Variants in PRKN observed in about 807,000 individuals in gnomAD.
The protein encoded by PRKN is parkin RBR E3 ubiquitin protein ligase.
Under a neutral mutation model 59.5 loss-of-function variants are expected in PRKN, and 56 were observed. That is an observed-to-expected ratio of 0.94 (90% CI 0.76 to 1.18). The LOEUF (loss-of-function observed/expected upper bound fraction) is 1.18, where lower values mean the gene tolerates loss of function less well. Ranked by LOEUF, PRKN falls within the 50% of genes most tolerant of loss-of-function variation. The pLI is 0.00. For synonymous variants in PRKN, 250 were observed against 222.1 expected (o/e 1.13, Z -1.12); for missense variants, 657 against 596.4 (o/e 1.10, Z -1.06).
chr6:162,384,666 A>C (rs1009165738), intron 2 of PRKN, among the ~76,000 whole-genome samples: 15 of 148,528 alleles, frequency 1.0e-4, no homozygotes, highest in East Asian at 6.0e-4. Flanking sequence ...AAAAAAACAA[A>C]AAAAAAAAAC....
intron 3 of PRKN, among the ~76,000 whole-genome samples, chr6:162,256,305 G>A (rs1779637825): frequency 6.6e-6 from 1 of 151,998 alleles, no homozygotes. Context: ...CTTGATTTAT[G>A]TATGAAATGT....
At chr6:162,004,476 C>A (rs531187719) in intron 5 of PRKN, among the ~76,000 whole-genome samples, 4 of 152,308 alleles carry the variant, frequency 2.6e-5, no homozygotes, top group South Asian at 2.1e-4. Flanking sequence ...TGCACTAATA[C>A]AGGCCACCAT....
chr6:161,773,353 A>G (rs1789775576), intron 7 of PRKN, among the ~76,000 whole-genome samples: 1 of 152,252 alleles, frequency 6.6e-6, no homozygotes, highest in Non-Finnish European at 1.5e-5. Context: ...CACTCTGATG[A>G]CAATGCAGAA....
At chr6:162,419,757 C>A (rs1788854946) in intron 2 of PRKN, among the ~76,000 whole-genome samples, 1 of 149,848 alleles carries the variant, frequency 6.7e-6, no homozygotes, top group Non-Finnish European at 1.5e-5. Flanking sequence ...GAGACAGACA[C>A]AGAGATAGAG....
At chr6:162,384,110 AT>A (rs1483984144) in intron 2 of PRKN, among the ~76,000 whole-genome samples, 2 of 152,190 alleles carry the variant, frequency 1.3e-5, no homozygotes, top group Non-Finnish European at 2.9e-5. Context: ...TCACATTCAT[AT>A]TATTTATGTG....
At chr6:162,412,682 A>G (rs1174560296) in intron 2 of PRKN, among the ~76,000 whole-genome samples, 1 of 152,196 alleles carries the variant, frequency 6.6e-6, no homozygotes, top group East Asian at 1.9e-4. Context: ...TACTTGACAG[A>G]GAGCTCTTCT....
At chr6:161,728,347 CCTCT>C (rs1163383043) in intron 7 of PRKN, among the ~76,000 whole-genome samples, 7 of 151,926 alleles carry the variant, frequency 4.6e-5, no homozygotes, top group Non-Finnish European at 2.9e-5. Flanking sequence ...GCAAATCTTG[CCTCT>C]CTATTTTGCT....
chr6:161,874,400 A>AAT (rs1562355047), intron 6 of PRKN, among the ~76,000 whole-genome samples: 5 of 88,296 alleles, frequency 5.7e-5, no homozygotes, highest in African/African-American at 1.4e-4. Context: ...TTATATGTAA[A>AAT]ATATTATATA....
intron 1 of PRKN, among the ~76,000 whole-genome samples, chr6:162,570,256 T>C (rs1487065408): frequency 3.3e-5 from 5 of 152,184 alleles, no homozygotes. Context: ...TACAATGAGC[T>C]ATTATCTCAC....
chr6:162,673,239 G>A (rs936158773), intron 1 of PRKN, among the ~76,000 whole-genome samples: 9 of 152,114 alleles, frequency 5.9e-5, no homozygotes, highest in Non-Finnish European at 1.2e-4. Flanking sequence ...AGGCAGAAAC[G>A]GTGTGTAGCT....
At chr6:162,477,908 C>T (rs1179317298) in intron 1 of PRKN, among the ~76,000 whole-genome samples, 1 of 152,150 alleles carries the variant, frequency 6.6e-6, no homozygotes, top group Non-Finnish European at 1.5e-5. Flanking sequence ...CACTAGGATC[C>T]TTTACTGTTT....
At chr6:162,563,282 C>G (rs1016230219) in intron 1 of PRKN, among the ~76,000 whole-genome samples, 1 of 149,626 alleles carries the variant, frequency 6.7e-6, no homozygotes, top group South Asian at 2.1e-4. Context: ...CCAGCTTCGG[C>G]GACAGAGCGA....
intron 1 of PRKN, among the ~76,000 whole-genome samples, chr6:162,622,112 C>T (rs1782384265): frequency 6.7e-6 from 1 of 150,180 alleles, no homozygotes; most frequent in Admixed American, 6.7e-5. Context: ...CGCACCCAGC[C>T]TAATCTTCAC....
chr6:161,900,641 TATATATTATATATAAC>T (rs1195354234), intron 6 of PRKN, among the ~76,000 whole-genome samples: 45 of 119,810 alleles, frequency 3.8e-4, no homozygotes, highest in South Asian at 1.1e-3. Flanking sequence ...TACTATATAT[TATATATTATATATAAC>T]ATATATTATA....
intron 6 of PRKN, among the ~76,000 whole-genome samples, chr6:161,963,826 G>A (rs1780475868): frequency 6.6e-6 from 1 of 152,154 alleles, no homozygotes; most frequent in Admixed American, 6.5e-5. Flanking sequence ...TCTTGTGCTG[G>A]CCACGGTAGG....
chr6:161,698,289 T>C (rs1013444188), intron 7 of PRKN, among the ~76,000 whole-genome samples: 6 of 151,980 alleles, frequency 3.9e-5, no homozygotes, highest in African/African-American at 1.4e-4. Context: ...GATCAACAAA[T>C]TGGAGAATTT....
chr6:162,602,021 C>CT (rs1781732734), intron 1 of PRKN, among the ~76,000 whole-genome samples: 1 of 152,308 alleles, frequency 6.6e-6, no homozygotes, highest in African/African-American at 2.4e-5. Context: ...ACTATTCACT[C>CT]CGTAGTTGAA....
rs1789540333 is a variant in PRKN, at chr6:161,447,386, A to T, written c.1084-60509T>A. On this transcript the variant is annotated intron_variant, in intron 9 of 11. Coordinates refer to ENST00000366898, the MANE Select transcript of PRKN (RefSeq NM_004562.3). The surrounding 1 kb of genome is among the most constrained non-coding windows in gnomAD (Gnocchi z 4.1). The stretch of plus-strand genomic sequence containing the variant: ...TCATTAGAAATGAATTTACATTTTG[A>T]TTTAGTTATAAATAACTTTTCTTCT... 6.6e-6 allele frequency among the ~76,000 whole-genome samples: 1 copy of T among 152,204 alleles called. No individual in the cohort carries two copies. Among genetic ancestry groups the T allele is most frequent in the South Asian group, 2.1e-4 (1 of 4,832 alleles).
intron 3 of PRKN, among the ~76,000 whole-genome samples, chr6:162,223,688 T>C (rs376752205): frequency 6.7e-6 from 1 of 149,232 alleles, no homozygotes. Flanking sequence ...AACAGCACAG[T>C]ATACCTTTCT....
Sources: gnomAD v4.1 joint callset for allele counts (sites outside exome capture counted in the v4.1 genomes callset) on GRCh38, gnomAD v4.1.1 for gene constraint, Gnocchi (gnomAD v3.1) non-coding constraint, MANE v1.5 for transcripts, NCBI Gene and HGNC (gene_info 2026-07-23, HGNC 2026-07-21) for gene names.